IP6K1: variants seen among roughly 807,000 people sequenced by gnomAD.
The protein encoded by IP6K1 is inositol hexakisphosphate kinase 1.
A neutral mutation model predicts 38.3 loss-of-function variants in IP6K1; 13 were observed. The observed-to-expected ratio is 0.34, with a 90% CI of 0.22 to 0.54. IP6K1 has a LOEUF of 0.54. Ranked by LOEUF, IP6K1 falls within the 20% of genes least tolerant of loss-of-function variation. The pLI is 0.92. For missense variants in IP6K1, 397 were observed against 599.8 expected (o/e 0.66, Z 3.53); for synonymous variants, 212 against 229.9 (o/e 0.92, Z 0.70).
At position 49,727,304 on chromosome 3, in the gene IP6K1, T is replaced by C; in HGVS notation, c.1144A>G (p.Ser382Gly). The C allele has an allele frequency of 6.2e-7, 1 of 1,614,144 alleles. No individual in the cohort carries two copies. The highest frequency in any genetic ancestry group is 8.5e-7 in the Non-Finnish European group (1 of 1,180,010). Residue 382 changes from serine (S) to glycine (G), a missense_variant, in exon 6 of 6, where the codon AGC (serine) becomes GGC (glycine). Physicochemically the swap from Ser to Gly is moderately conservative, Grantham distance 56. Coordinates refer to ENST00000321599, the MANE Select transcript of IP6K1 (RefSeq NM_153273.4). This position sits in a 1 kb window ranked among gnomAD's most constrained non-coding sequence, Gnocchi z 5.9. ...CGPSTSPSNT[S>G]PEAGPSSQPK... The stretch of plus-strand genomic sequence containing the variant: ...TGAGAGGAGGGACCCGCCTCGGGGC[T>C]GGTGTTGCTGGGGCTGGTGCTGGGG...
Position 49,747,957 on chromosome 3 carries a change from G to A in IP6K1, c.84C>T (p.Pro28=), listed in dbSNP as rs1301793048. 1.2e-6 allele frequency: 2 copies of A among 1,614,132 alleles called. No homozygotes were observed. Among genetic ancestry groups the A allele is most frequent in the South Asian group, 2.2e-5 (2 of 91,078 alleles). Residue 28 remains proline, a synonymous_variant, in exon 2 of 6, where the codon CCC becomes CCT. Coordinates refer to ENST00000321599, the MANE Select transcript of IP6K1 (RefSeq NM_153273.4). ...RAGDRGVLLE[P]FIHQVGGHSS... is the part of the protein sequence containing the mutation. ...TGTGTCCGCCTACTTGGTGGATGAA[G>A]GGCTCCAGGAGGACTCCCCGGTCTC...
chr3:49,771,977 G>A (rs2080963519), intron 1 of IP6K1, among the ~76,000 whole-genome samples: 1 of 152,106 alleles, frequency 6.6e-6, no homozygotes, highest in African/African-American at 2.4e-5. Context: ...ACTTTGCGAG[G>A]CCAAAGAGGG....
chr3:49,747,060 A>T (rs1381355972), intron 2 of IP6K1, among the ~76,000 whole-genome samples: 1 of 152,154 alleles, frequency 6.6e-6, no homozygotes, highest in East Asian at 1.9e-4. Context: ...TTTTACCAAA[A>T]TTTTTTTTAA....
At chr3:49,777,784 A>G (rs1207274836) in intron 1 of IP6K1, among the ~76,000 whole-genome samples, 1 of 151,216 alleles carries the variant, frequency 6.6e-6, no homozygotes, top group East Asian at 2.0e-4. Context: ...GCGTGGTGGC[A>G]GGCGCCTGTA....
At chr3:49,729,752 CAG>C (rs1174933069) in intron 4 of IP6K1, among the ~76,000 whole-genome samples, 3 of 150,562 alleles carry the variant, frequency 2.0e-5, no homozygotes, top group East Asian at 2.0e-4. Flanking sequence ...TTTTTTGAGA[CAG>C]AGTCTCACTC....
At chr3:49,731,702 T>C (rs780199268) in intron 4 of IP6K1, among the ~76,000 whole-genome samples, 4 of 152,048 alleles carry the variant, frequency 2.6e-5, no homozygotes, top group Non-Finnish European at 4.4e-5. Context: ...ATTTGTCTAC[T>C]ACTTCAAAAC....
At chr3:49,754,926 CTT>C (rs11391839) in intron 1 of IP6K1, among the ~76,000 whole-genome samples, 7 of 144,410 alleles carry the variant, frequency 4.8e-5, no homozygotes, top group Non-Finnish European at 3.0e-5. Flanking sequence ...GATATGCAAT[CTT>C]TTTTTTTTTT....
intron 1 of IP6K1, among the ~76,000 whole-genome samples, chr3:49,761,032 C>T (rs2108249281): frequency 6.6e-6 from 1 of 152,292 alleles, no homozygotes; most frequent in South Asian, 2.1e-4. Flanking sequence ...ACCTGTAAAA[C>T]TGGCCGGACG....
At chr3:49,778,135 C>T (rs1165915728) in intron 1 of IP6K1, among the ~76,000 whole-genome samples, 2 of 151,184 alleles carry the variant, frequency 1.3e-5, no homozygotes, top group Admixed American at 6.6e-5. Flanking sequence ...ACCATCCTGG[C>T]CAACATGGTG....
At chr3:49,731,887 C>CAACAAAAAAAAAAAAAAAAAA (rs2080565012) in intron 4 of IP6K1, among the ~76,000 whole-genome samples, 1 of 65,342 alleles carries the variant, frequency 1.5e-5, no homozygotes, top group South Asian at 7.0e-4. Flanking sequence ...GACTCTGTCT[C>CAACAAAAAAAAAAAAAAAAAA]AAAAAAAAAA....
chr3:49,770,482 T>C (rs147577381), intron 1 of IP6K1, among the ~76,000 whole-genome samples: 6 of 152,220 alleles, frequency 3.9e-5, no homozygotes, highest in African/African-American at 1.4e-4. Context: ...ATACCTATAA[T>C]ACCAGCACTT....
chr3:49,778,849 C>A (rs1207176868), intron 1 of IP6K1, among the ~76,000 whole-genome samples: 4 of 152,036 alleles, frequency 2.6e-5, no homozygotes, highest in Non-Finnish European at 5.9e-5. Flanking sequence ...TGGTCTCGAA[C>A]CCCTGGGCTC....
Position 49,750,523 on chromosome 3 carries a change from C to T in IP6K1, c.-128-2355G>A, listed in dbSNP as rs993724895. ...CAGCCTGGCCAACATGGCGAAACCCCGTCTCTTCTAAAAATACAAAAAAAA... is the reference window on the plus strand; with the variant it reads ...CAGCCTGGCCAACATGGCGAAACCCTGTCTCTTCTAAAAATACAAAAAAAA... On this transcript the variant is annotated intron_variant, in intron 1 of 5. Transcript: ENST00000321599. 7.2e-5 allele frequency among the ~76,000 whole-genome samples: 11 copies of T among 152,016 alleles called. No homozygotes were observed. In the South Asian group the frequency reaches 8.3e-4, roughly 11 times the overall value.
intron 1 of IP6K1, among the ~76,000 whole-genome samples, chr3:49,784,946 A>AAAAACAAAAC (rs768787067): frequency 6.6e-6 from 1 of 152,134 alleles, no homozygotes; most frequent in African/African-American, 2.4e-5. Context: ...TCCATCTCAA[A>AAAAACAAAAC]AAAACAAAAC....
chr3:49,748,236 T>C (rs1283580213), intron 1 of IP6K1, 68 bp from the exon 2 acceptor site: 5 of 612,088 alleles, frequency 8.2e-6, no homozygotes, highest in Non-Finnish European at 1.4e-5. Flanking sequence ...TGGAGCTCCA[T>C]GAGTGAGAGC....
At chr3:49,744,319 G>A (rs983293710) in intron 2 of IP6K1, among the ~76,000 whole-genome samples, 1 of 149,074 alleles carries the variant, frequency 6.7e-6, no homozygotes, top group Non-Finnish European at 1.5e-5. Flanking sequence ...GAAGAATGGC[G>A]TGAACCCGGG....
chr3:49,739,149 G>GA (rs1232057685), intron 2 of IP6K1, among the ~76,000 whole-genome samples: 7 of 151,494 alleles, frequency 4.6e-5, no homozygotes, highest in Admixed American at 1.3e-4. Context: ...GTTTTGAAGG[G>GA]AAAAAAAAGT....
At chr3:49,782,938 C>A (rs1174429643) in intron 1 of IP6K1, among the ~76,000 whole-genome samples, 1 of 143,708 alleles carries the variant, frequency 7.0e-6, no homozygotes, top group African/African-American at 2.6e-5. Flanking sequence ...GGCAAAACCC[C>A]GGCTCTACTA....
chr3:49,770,468 G>A (rs1396347614), intron 1 of IP6K1, among the ~76,000 whole-genome samples: 14 of 152,062 alleles, frequency 9.2e-5, no homozygotes. Flanking sequence ...GGGCATGGTG[G>A]CTCATACCTA....
Sources: gnomAD v4.1 joint callset for allele counts (sites outside exome capture counted in the v4.1 genomes callset) on GRCh38, gnomAD v4.1.1 for gene constraint, Gnocchi (gnomAD v3.1) non-coding constraint, MANE v1.5 for transcripts, NCBI Gene and HGNC (gene_info 2026-07-23, HGNC 2026-07-21) for gene names.